Variants in SYT1 observed in about 807,000 individuals in gnomAD.
SYT1 encodes the protein synaptotagmin-1.
A neutral mutation model predicts 44.8 loss-of-function variants in SYT1; 8 were observed. That is an observed-to-expected ratio of 0.18 (90% CI 0.10 to 0.32). SYT1 has a LOEUF of 0.32. SYT1 is among the 10% of genes least tolerant of loss of function. The pLI, the probability that SYT1 is intolerant of heterozygous loss-of-function variation, is 1.00. For synonymous variants in SYT1, 154 were observed against 188.8 expected, an observed-to-expected ratio of 0.82 and a Z score of 1.51; for missense variants, 286 against 509.3, an observed-to-expected ratio of 0.56 and a Z score of 4.22.
chr12:79,003,361 G>A (rs1870868842), intron 2 of SYT1, among the ~76,000 whole-genome samples: 1 of 151,882 alleles, frequency 6.6e-6, no homozygotes, highest in Admixed American at 6.6e-5. Context: ...CTCTTCTAGT[G>A]TACCTGCCTT....
intron 1 of SYT1, among the ~76,000 whole-genome samples, chr12:78,898,199 A>C (rs1875467198): frequency 6.6e-6 from 1 of 152,058 alleles, no homozygotes; most frequent in Non-Finnish European, 1.5e-5. Flanking sequence ...AAATTGGAAT[A>C]AGACTAGCAC....
intron 1 of SYT1, among the ~76,000 whole-genome samples, chr12:78,920,568 T>A (rs1876926278): frequency 1.9e-5 from 1 of 51,628 alleles, no homozygotes; most frequent in Non-Finnish European, 3.3e-5. Flanking sequence ...TAAACTTTTA[T>A]AACCAAGTTC....
At chr12:79,102,526 T>G (rs1362871089) in intron 3 of SYT1, among the ~76,000 whole-genome samples, 1 of 152,160 alleles carries the variant, frequency 6.6e-6, no homozygotes, top group Non-Finnish European at 1.5e-5. Context: ...CTTCAATAAC[T>G]AAAATGCTGT....
intron 1 of SYT1, among the ~76,000 whole-genome samples, chr12:78,953,910 T>TA (rs1272893893): frequency 9.2e-5 from 14 of 151,962 alleles, no homozygotes; most frequent in African/African-American, 2.9e-4. Flanking sequence ...ATATTTTTTT[T>TA]AAAAATCCTC....
intron 9 of SYT1, among the ~76,000 whole-genome samples, chr12:79,355,545 C>A (rs984713162): frequency 6.6e-6 from 1 of 152,154 alleles, no homozygotes; most frequent in Non-Finnish European, 1.5e-5. Context: ...GGGCTTCTCA[C>A]TGCCTGTAGA....
At chr12:79,380,719 T>A (rs983158960) in intron 9 of SYT1, among the ~76,000 whole-genome samples, 2 of 152,184 alleles carry the variant, frequency 1.3e-5, no homozygotes, top group African/African-American at 4.8e-5. Flanking sequence ...TGAAGAGGGC[T>A]TGTTTAAAAG....
chr12:78,873,204 C>T (rs1873908295), intron 1 of SYT1, among the ~76,000 whole-genome samples: 2 of 151,528 alleles, frequency 1.3e-5, no homozygotes, highest in African/African-American at 2.4e-5. Context: ...TAGAAAGCCT[C>T]TTATATTTTT....
chr12:79,292,552 T>C (rs1258269536), intron 6 of SYT1, among the ~76,000 whole-genome samples: 2 of 152,164 alleles, frequency 1.3e-5, no homozygotes, highest in Non-Finnish European at 2.9e-5. Context: ...TTTTGAAAAA[T>C]AATATAATGA....
At chr12:79,350,246 C>CTTTTTTTT (rs1166413638) in intron 8 of SYT1, among the ~76,000 whole-genome samples, 17 of 97,564 alleles carry the variant, frequency 1.7e-4, no homozygotes, top group African/African-American at 3.4e-4. Flanking sequence ...GATGCATATT[C>CTTTTTTTT]TTTTTTTTTT....
intron 2 of SYT1, among the ~76,000 whole-genome samples, chr12:79,020,964 G>A (rs978963099): frequency 3.9e-5 from 6 of 152,006 alleles, no homozygotes; most frequent in East Asian, 1.9e-4. Context: ...CTTAGTCAAC[G>A]TTGGTGCTAA....
intron 3 of SYT1, among the ~76,000 whole-genome samples, chr12:79,081,420 C>T (rs2137952318): frequency 1.3e-5 from 2 of 151,258 alleles, no homozygotes; most frequent in South Asian, 4.2e-4. Context: ...CACTCTATCA[C>T]CCAGGCTGGA....
At chr12:78,933,347 C>T (rs1427934800) in intron 1 of SYT1, among the ~76,000 whole-genome samples, 9 of 151,992 alleles carry the variant, frequency 5.9e-5, no homozygotes, top group Admixed American at 2.6e-4. Context: ...CAAAAGTTTG[C>T]GGTGGGAAAG....
intron 2 of SYT1, among the ~76,000 whole-genome samples, chr12:78,987,487 T>A (rs1253221253): frequency 1.3e-5 from 2 of 151,914 alleles, no homozygotes; most frequent in Non-Finnish European, 2.9e-5. Context: ...AAAAAGACTA[T>A]TTTTTTACTC....
At position 78,922,524 on chromosome 12, in the gene SYT1, T is replaced by C. The variant is rs1841809; in HGVS notation, c.-216-55275T>C. On this transcript the variant is annotated intron_variant, in intron 1 of 10. Transcript: ENST00000261205. The stretch of plus-strand genomic sequence containing the variant: ...ATTCTCAGACTGTATTAAGGAAATA[T>C]ATGTAAATGATCCTTGCAAATTATA... Among the ~76,000 whole-genome samples, 164 of 152,062 alleles carry C rather than the reference T, an allele frequency of 1.1e-3. 1 individual carries two copies. Among genetic ancestry groups the C allele is most frequent in the African/African-American group, 3.8e-3 (158 of 41,548 alleles).
At chr12:79,329,247 T>C (rs182936015) in intron 8 of SYT1, among the ~76,000 whole-genome samples, 270 of 152,284 alleles carry the variant, frequency 1.8e-3, no homozygotes, top group Middle Eastern at 0.01. Flanking sequence ...TGTGGTAAGA[T>C]ACACACCTCC....
chr12:79,387,282 C>G (rs1043373879), intron 9 of SYT1, among the ~76,000 whole-genome samples: 1 of 152,104 alleles, frequency 6.6e-6, no homozygotes, highest in Admixed American at 6.5e-5. Flanking sequence ...AGCAATGGCC[C>G]AGAAAAGAGA....
chr12:78,876,741 ATT>A (rs1565697484), intron 1 of SYT1, among the ~76,000 whole-genome samples: 6 of 86,812 alleles, frequency 6.9e-5, no homozygotes, highest in African/African-American at 2.6e-4. Flanking sequence ...TATATTATAT[ATT>A]ATATATTGTA....
At chr12:79,004,416 A>T (rs1336983143) in intron 2 of SYT1, among the ~76,000 whole-genome samples, 1 of 151,970 alleles carries the variant, frequency 6.6e-6, no homozygotes, top group East Asian at 1.9e-4. Context: ...AGCTCTACAC[A>T]AATTTTGCCA....
chr12:79,325,196 G>A (rs1881555785), intron 8 of SYT1, among the ~76,000 whole-genome samples: 1 of 152,188 alleles, frequency 6.6e-6, no homozygotes, highest in Non-Finnish European at 1.5e-5. Context: ...TTTTAACAAG[G>A]CTTTTGGCCA....
Sources: gnomAD v4.1 joint callset for allele counts (sites outside exome capture counted in the v4.1 genomes callset) on GRCh38, gnomAD v4.1.1 for gene constraint, MANE v1.5 for transcripts, NCBI Gene and HGNC (gene_info 2026-07-23, HGNC 2026-07-21) for gene names.